The following BST1 variants were observed in gnomAD, a reference collection of about 807,000 sequenced individuals.
BST1 encodes ADP-ribosyl cyclase/cyclic ADP-ribose hydrolase 2.
Under a neutral mutation model 40.6 loss-of-function variants are expected in BST1, and 49 were observed. That is an observed-to-expected ratio of 1.21 (90% CI 0.96 to 1.53). The LOEUF is 1.53. Among genes scored for constraint, BST1 ranks in the 40% most tolerant of loss-of-function variants. The pLI is 0.00. For missense variants in BST1, 423 were observed against 395.9 expected (o/e 1.07, Z -0.58); for synonymous variants, 157 against 159.3 (o/e 0.99, Z 0.11).
chr4:15,738,071 A>G, exon 7 of BST1: 1 of 270,958 alleles, frequency 3.7e-6, no homozygotes, highest in South Asian at 3.6e-5. Flanking sequence ...AACCTACAGA[A>G]GGTACAACAC....
At chr4:15,738,788 A>G (rs1721660395), downstream of BST1, among the ~76,000 whole-genome samples, 1 of 152,232 alleles carries the variant, frequency 6.6e-6, no homozygotes, top group African/African-American at 2.4e-5. Flanking sequence ...GGCATGTGCC[A>G]AGTGAACACT....
intron 8 of BST1, chr4:15,723,421 G>A (rs987430018): frequency 1.5e-4 from 52 of 345,658 alleles, no homozygotes; most frequent in Admixed American, 1.9e-4. Context: ...TAATTTTTTT[G>A]TATTTTTTTG....
At chr4:15,727,398 C>G (rs2148894114) in intron 8 of BST1, among the ~76,000 whole-genome samples, 1 of 152,260 alleles carries the variant, frequency 6.6e-6, no homozygotes, top group Non-Finnish European at 1.5e-5. Context: ...TTCACTCTGC[C>G]AAGTTTTTCA....
intron 6 of BST1, 74 bp from the exon 7 acceptor site, chr4:15,718,833 T>C (rs1359853852): frequency 7.8e-7 from 1 of 1,287,514 alleles, no homozygotes; most frequent in African/African-American, 1.5e-5. Context: ...AAAGAAATTA[T>C]GTTTAACCCA....
chr4:15,770,543 A>G, the BST1 span, among the ~76,000 whole-genome samples: 3 of 152,146 alleles, frequency 2.0e-5, no homozygotes, highest in East Asian at 5.8e-4. Context: ...CGTCTCTACT[A>G]AAAATACAAA....
chr4:15,767,220 A>G, the BST1 span, among the ~76,000 whole-genome samples: 1 of 152,166 alleles, frequency 6.6e-6, no homozygotes, highest in African/African-American at 2.4e-5. Context: ...AGAAAGCCAA[A>G]GGTGCTGGGG....
intron 2 of BST1, among the ~76,000 whole-genome samples, chr4:15,706,973 G>A (rs1168286462): frequency 1.3e-5 from 2 of 152,162 alleles, no homozygotes; most frequent in Non-Finnish European, 2.9e-5. Context: ...GGGGATTTGT[G>A]TTATTGTTAT....
In BST1 at chr4:15,737,838, G is replaced by A. The variant is rs554571760; in HGVS notation, c.*64G>A. The stretch of plus-strand genomic sequence containing the variant: ...GATACTGACTGTCAGAGAGTCCAAA[G>A]ATGTAAATGCCTTCCACTCCCACAG... On this transcript the variant is annotated 3_prime_UTR_variant, in exon 7 of 7. Coordinates refer to the BST1 transcript ENST00000514445. 3.9e-6 allele frequency: 5 copies of A among 1,284,102 alleles called. No individual in the cohort carries two copies. In the South Asian group the frequency reaches 6.2e-5, roughly 16 times the overall value. The allele number at this position is 1,284,102 out of a possible 1,614,324, so 79.5% of individuals were successfully genotyped here.
At chr4:15,755,743 C>A in the BST1 span, among the ~76,000 whole-genome samples, 1 of 152,066 alleles carries the variant, frequency 6.6e-6, no homozygotes, top group African/African-American at 2.4e-5. Context: ...AGTGTTTATG[C>A]ATCTGTGAGT....
chr4:15,719,673 C>T (rs1303216920), intron 7 of BST1, among the ~76,000 whole-genome samples: 2 of 152,160 alleles, frequency 1.3e-5, no homozygotes, highest in African/African-American at 2.4e-5. Flanking sequence ...TTTTCTTGAA[C>T]ATTTCTGAGT....
At position 15,715,375 on chromosome 4, in the gene BST1, C is replaced by T. The variant is rs1720452951; in HGVS notation, c.611+14C>T. The T allele has an allele frequency of 6.2e-7, 1 of 1,610,994 alleles. No homozygotes were observed. Among genetic ancestry groups the T allele is most frequent in the African/African-American group, 1.3e-5 (1 of 74,844 alleles). On this transcript the variant is annotated intron_variant, in intron 5 of 8. Coordinates refer to ENST00000265016, the MANE Select transcript of BST1 (RefSeq NM_004334.3). ...TCCCATCAAAGGGTAAGAACACCAG[C>T]ACATTCAAACACAAGAGAGAATGCC... is the stretch of plus-strand genomic sequence containing the variant.
At chr4:15,752,037 A>G in the BST1 span, among the ~76,000 whole-genome samples, 2 of 152,234 alleles carry the variant, frequency 1.3e-5, no homozygotes, top group East Asian at 3.8e-4. Flanking sequence ...ACCATAAAAG[A>G]TTAAAAAACT....
At chr4:15,744,924 A>G in the BST1 span, among the ~76,000 whole-genome samples, 1 of 152,224 alleles carries the variant, frequency 6.6e-6, no homozygotes, top group South Asian at 2.1e-4. Flanking sequence ...GTAAGTCATC[A>G]CTTCTAGACA....
chr4:15,736,169 C>G, downstream of BST1: 5 of 1,256,508 alleles, frequency 4.0e-6, no homozygotes, highest in Non-Finnish European at 5.2e-6. Context: ...TGCCTCCTGA[C>G]TGATCTCTCT....
chr4:15,730,221 A>T (rs1721304922), intron 8 of BST1, among the ~76,000 whole-genome samples: 1 of 152,218 alleles, frequency 6.6e-6, no homozygotes, highest in Non-Finnish European at 1.5e-5. Flanking sequence ...GTCCAGAGCC[A>T]TGGGATATAT....
chr4:15,722,592 A>ATTTTTTTT (rs1012036868), intron 7 of BST1, among the ~76,000 whole-genome samples: 1 of 120,304 alleles, frequency 8.3e-6, no homozygotes, highest in Non-Finnish European at 1.7e-5. Flanking sequence ...TAATTTTTAG[A>ATTTTTTTT]TTTTTTTTTT....
Position 15,713,879 on chromosome 4 carries a change from T to A in BST1, c.535-1406T>A, listed in dbSNP as rs540676632. 1.7e-4 allele frequency among the ~76,000 whole-genome samples: 26 copies of A among 152,132 alleles called. 1 individual carries two copies. In the South Asian group the frequency reaches 3.3e-3, roughly 19 times the overall value. On this transcript the variant is annotated intron_variant, in intron 4 of 8. Transcript: ENST00000265016. ...TCACCATGCCCAACTAATTTTTGCA[T>A]TTTTAGTTGAGATGGGTTTTTGCCA...
chr4:15,726,917 CTGGAGTGCAGTGGCG>C (rs1351658894), intron 8 of BST1, among the ~76,000 whole-genome samples: 2 of 146,994 alleles, frequency 1.4e-5, no homozygotes, highest in Non-Finnish European at 3.0e-5. Flanking sequence ...GTTGCCCAGG[CTGGAGTGCAGTGGCG>C]TGATCTCGGC....
At chr4:15,711,430 G>C (rs1439399533) in intron 3 of BST1, among the ~76,000 whole-genome samples, 1 of 152,124 alleles carries the variant, frequency 6.6e-6, no homozygotes, top group Non-Finnish European at 1.5e-5. Flanking sequence ...AATTTTTGGA[G>C]ACGGCTCTTC....
Sources: allele counts gnomAD v4.1 joint callset (sites outside exome capture counted in the v4.1 genomes callset), GRCh38; gene constraint gnomAD v4.1.1; transcripts MANE v1.5; gene names NCBI Gene and HGNC (gene_info 2026-07-23, HGNC 2026-07-21).